The following BICD2 variants were observed in gnomAD, a reference collection of about 807,000 sequenced individuals.
BICD2 encodes protein bicaudal D homolog 2.
Under a neutral mutation model 72.9 loss-of-function variants are expected in BICD2, and 25 were observed. The observed-to-expected ratio is 0.34, with a 90% CI of 0.25 to 0.48. BICD2 has a LOEUF of 0.48. Ranked by LOEUF, BICD2 falls within the 20% of genes least tolerant of loss-of-function variation. BICD2 has a pLI of 0.99. For missense variants in BICD2, 894 were observed against 1,175.2 expected (o/e 0.76, Z 3.50); for synonymous variants, 501 against 516.1 (o/e 0.97, Z 0.40).
Position 92,715,499 on chromosome 9 carries a change from G to A in BICD2, c.2259-36C>T, listed in dbSNP as rs560312474. 13 of 1,549,706 alleles carry A rather than the reference G, an allele frequency of 8.4e-6. No individual in the cohort carries two copies. The East Asian group carries it at 2.5e-4, about 30-fold the overall frequency. On this transcript the variant is annotated intron_variant, in intron 6 of 6. Coordinates refer to ENST00000356884, the MANE Select transcript of BICD2 (RefSeq NM_001003800.2). Reference sequence around the variant, plus strand: ...CAAAAACATGACTGAGGGGCGGGCAGAGCCGAGCAGAGGAGGGCAGGGCAG... The same window carrying A: ...CAAAAACATGACTGAGGGGCGGGCAAAGCCGAGCAGAGGAGGGCAGGGCAG...
intron 3 of BICD2, among the ~76,000 whole-genome samples, chr9:92,722,241 T>A (rs1234506131): frequency 1.3e-5 from 2 of 151,874 alleles, no homozygotes; most frequent in Non-Finnish European, 2.9e-5. Context: ...GACAGAGGGG[T>A]TCCTGTTCAT....
At chr9:92,744,835 C>T (rs958406343) in intron 1 of BICD2, among the ~76,000 whole-genome samples, 1 of 150,200 alleles carries the variant, frequency 6.7e-6, no homozygotes, top group East Asian at 2.0e-4. Context: ...AGCGAGACTC[C>T]GTCTCAGAAA....
rs550313066 is a variant in BICD2 at position 92,727,923 on chromosome 9, C to G, written c.453+1101G>C. Among the ~76,000 whole-genome samples, 9 of 152,330 alleles carry G rather than the reference C, an allele frequency of 5.9e-5. No homozygotes were observed. In the South Asian group the frequency reaches 1.4e-3, roughly 25 times the overall value. ...GCTCTCCCCTGATATCTGCCACATGCCTTCTAGGAGAATGAGGCTTTGCTC... is the reference window on the plus strand; with the variant it reads ...GCTCTCCCCTGATATCTGCCACATGGCTTCTAGGAGAATGAGGCTTTGCTC... On this transcript the variant is annotated intron_variant, in intron 2 of 6. Transcript: ENST00000356884.
intron 3 of BICD2, among the ~76,000 whole-genome samples, 196 bp downstream of exon 3, chr9:92,722,460 G>A (rs1312827573): frequency 6.6e-6 from 1 of 152,160 alleles, no homozygotes; most frequent in East Asian, 1.9e-4. Context: ...AAACACTGCA[G>A]CCAGAGTTTC....
intron 1 of BICD2, among the ~76,000 whole-genome samples, chr9:92,736,015 C>A (rs1006203489): frequency 2.6e-5 from 4 of 152,184 alleles, no homozygotes; most frequent in African/African-American, 9.7e-5. Flanking sequence ...CTGTCAGAGG[C>A]GTTTGAACCA....
At position 92,719,142 on chromosome 9, in the gene BICD2, C is replaced by T. The variant is rs1554705508; in HGVS notation, c.1503G>A (p.Arg501=). 1.2e-6 allele frequency: 2 copies of T among 1,612,100 alleles called. No individual in the cohort carries two copies. The highest frequency in any genetic ancestry group is 1.7e-6 in the Non-Finnish European group (2 of 1,179,988). The change falls in exon 5 of 7, where the codon CGG becomes CGA. Residue 501 remains arginine, a synonymous_variant. Transcript: ENST00000356884. ...ASRQDRELLA[R]LEKELKKVSD... ...TCACCTTCTTTAGCTCCTTCTCCAGCCGGGCCAGCAGCTCGCGGTCCTGGC... is the reference window on the plus strand; with the variant it reads ...TCACCTTCTTTAGCTCCTTCTCCAGTCGGGCCAGCAGCTCGCGGTCCTGGC...
intron 2 of BICD2, among the ~76,000 whole-genome samples, chr9:92,725,154 G>T (rs1173981168): frequency 6.6e-6 from 1 of 152,178 alleles, no homozygotes; most frequent in African/African-American, 2.4e-5. Flanking sequence ...ATACCATTAG[G>T]GTCCCCCAGA....
chr9:92,732,797 G>C (rs905427308), intron 1 of BICD2, among the ~76,000 whole-genome samples: 1 of 152,116 alleles, frequency 6.6e-6, no homozygotes, highest in African/African-American at 2.4e-5. Flanking sequence ...GGTATTTAAA[G>C]ATATGCTAAA....
intron 1 of BICD2, among the ~76,000 whole-genome samples, chr9:92,761,329 A>G (rs1422765448): frequency 6.6e-6 from 1 of 152,220 alleles, no homozygotes; most frequent in East Asian, 1.9e-4. Context: ...CATGAGATTC[A>G]GTCCGCAGAA....
intron 1 of BICD2, among the ~76,000 whole-genome samples, chr9:92,755,741 GTGAGGGTGGTAC>G (rs1854241090): frequency 6.6e-6 from 1 of 152,226 alleles, no homozygotes; most frequent in Non-Finnish European, 1.5e-5. Flanking sequence ...CCAGCATGTT[GTGAGGGTGGTAC>G]TGAGGGAACA....
At chr9:92,739,512 T>A (rs918102144) in intron 1 of BICD2, among the ~76,000 whole-genome samples, 3 of 152,162 alleles carry the variant, frequency 2.0e-5, no homozygotes, top group Non-Finnish European at 2.9e-5. Flanking sequence ...CACTTTACTG[T>A]TTTGAAGCAG....
In BICD2 at chr9:92,720,390, G is replaced by T. The variant is rs79542696; in HGVS notation, c.972C>A (p.Gly324=). The change falls in exon 4 of 7, where the codon GGC becomes GGA. Residue 324 remains glycine (G), a synonymous_variant. Transcript: ENST00000356884. This position sits in a 1 kb window ranked among gnomAD's most constrained non-coding sequence, Gnocchi z 5.4. ...DNKTSTPKKE[G]LAPPSPSLVS... ...CGAGGCTGGGGGAGGGCGGTGCGAG[G>T]CCCTCCTTCTTGGGCGTGGAGGTCT... 6.2e-7 allele frequency: 1 copy of T among 1,614,124 alleles called. No individual in the cohort carries two copies. The highest frequency in any genetic ancestry group is 2.2e-5 in the East Asian group (1 of 44,866).
intron 1 of BICD2, among the ~76,000 whole-genome samples, chr9:92,752,514 T>C (rs1292005840): frequency 6.6e-6 from 1 of 152,042 alleles, no homozygotes; most frequent in African/African-American, 2.4e-5. Flanking sequence ...ATGCCTGGAA[T>C]CCCAGCACTT....
At chr9:92,757,686 GAC>G (rs529018631) in intron 1 of BICD2, among the ~76,000 whole-genome samples, 142 of 150,964 alleles carry the variant, frequency 9.4e-4, no homozygotes, top group Non-Finnish European at 1.4e-3. Context: ...CAGCCTGGGT[GAC>G]AGAGTGAGAC....
rs761065316 is a variant in BICD2 at position 92,715,461 on chromosome 9, C to T, written c.2261G>A (p.Cys754Tyr). 15 of 1,576,996 alleles carry T rather than the reference C, an allele frequency of 9.5e-6. No individual in the cohort carries two copies. Among genetic ancestry groups the T allele is most frequent in the Non-Finnish European group, 1.3e-5 (15 of 1,155,110 alleles). Residue 754 changes from cysteine to tyrosine, a missense_variant and splice_region_variant, in exon 7 of 7, where the codon TGT becomes TAT. Physicochemically the swap from Cys to Tyr is radical, Grantham distance 194. Coordinates refer to ENST00000356884, the MANE Select transcript of BICD2 (RefSeq NM_001003800.2). ...ATCCAGCTGTGTAATGTACTCGTCA[C>T]ACCTGTGGGTACCAAAAACATGACT... Reference protein sequence around the residue: ...SSLRAMFATRCDEYITQLDEM... With the variant: ...SSLRAMFATRYDEYITQLDEM...
At position 92,713,950 on chromosome 9, in the gene BICD2, A is replaced by T; in HGVS notation, c.*1204T>A. 1.0e-6 allele frequency: 1 copy of T among 989,976 alleles called. No homozygotes were observed. The highest frequency in any genetic ancestry group is 1.2e-6 in the Non-Finnish European group (1 of 832,592). 61.3% of individuals were successfully genotyped at this position (989,976 alleles called of 1,614,324 possible). A position where few individuals can be genotyped will look rare whatever the true frequency, so the allele number is the denominator to read the frequency against. ...CTGCAGGAGAGAAGACTGCAGCCTC[A>T]GGTCCAGCTGGTCCCACAGGGTGAT... On this transcript the variant is annotated 3_prime_UTR_variant, in exon 7 of 7. Coordinates refer to ENST00000356884, the MANE Select transcript of BICD2 (RefSeq NM_001003800.2).
chr9:92,726,378 C>G (rs1853567935), intron 2 of BICD2, among the ~76,000 whole-genome samples: 1 of 152,104 alleles, frequency 6.6e-6, no homozygotes, highest in African/African-American at 2.4e-5. Flanking sequence ...TTGTGGGTAG[C>G]AGGGTGGTGG....
At position 92,729,195 on chromosome 9, in the gene BICD2, A is replaced by G; in HGVS notation, c.282T>C (p.Ala94=). The G allele has an allele frequency of 6.2e-7, 1 of 1,614,220 alleles. No individual in the cohort carries two copies. The highest frequency in any genetic ancestry group is 8.5e-7 in the Non-Finnish European group (1 of 1,180,046). The stretch of plus-strand genomic sequence containing the variant: ...GGCTCTCCTCCCGGCTCTCTCCGTC[A>G]GCAGCCACCTTCTTGTGGTTTGTGT... ...QAHTNHKKVA[A]DGESREESLI... Residue 94 remains alanine (A), a synonymous_variant, in exon 2 of 7, where the codon GCT becomes GCC. Coordinates refer to ENST00000356884, the MANE Select transcript of BICD2 (RefSeq NM_001003800.2).
In BICD2 at chr9:92,760,480, A is replaced by G. The variant is rs115513981; in HGVS notation, c.240+4025T>C. Among the ~76,000 whole-genome samples the G allele has an allele frequency of 9.0e-3, 1,371 of 152,292 alleles. 24 individuals carry two copies. The highest frequency in any genetic ancestry group is 0.032 in the African/African-American group (1,323 of 41,556). Reference sequence around the variant, plus strand: ...TGCCCAGTCGCCAGGCCCTACAGGAAGAAACAGCACCAGGGCTCGATGTGG... The same window carrying G: ...TGCCCAGTCGCCAGGCCCTACAGGAGGAAACAGCACCAGGGCTCGATGTGG... On this transcript the variant is annotated intron_variant, in intron 1 of 6. Transcript: ENST00000356884.
Sources: allele counts gnomAD v4.1 joint callset (sites outside exome capture counted in the v4.1 genomes callset), GRCh38; gene constraint gnomAD v4.1.1; non-coding constraint Gnocchi (gnomAD v3.1); transcripts MANE v1.5; gene names NCBI Gene and HGNC (gene_info 2026-07-23, HGNC 2026-07-21).